The following PIK3R4 variants were observed in gnomAD, a reference collection of about 807,000 sequenced individuals.
PIK3R4 encodes the protein phosphoinositide-3-kinase regulatory subunit 4.
In PIK3R4, 46 loss-of-function variants were observed where a neutral mutation model predicts 136.5. That is an observed-to-expected ratio of 0.34 (90% CI 0.27 to 0.43). The LOEUF is 0.43. Among genes scored for constraint, PIK3R4 ranks in the 20% least tolerant of loss-of-function variants. The probability of loss-of-function intolerance (pLI) is 1.00; values close to 1 mark genes in which losing one functional copy is unlikely to be tolerated. For missense variants in PIK3R4, 1,331 were observed against 1,649.5 expected (o/e 0.81, Z 3.35); for synonymous variants, 557 against 566.7 (o/e 0.98, Z 0.24).
intron 2 of PIK3R4, among the ~76,000 whole-genome samples, chr3:130,737,252 C>T (rs991911114): frequency 1.3e-5 from 2 of 152,356 alleles, no homozygotes; most frequent in East Asian, 3.9e-4. Context: ...CCTCACCGGA[C>T]ACATTCCCTT....
At chr3:130,739,265 A>G (rs1364082569) in intron 2 of PIK3R4, among the ~76,000 whole-genome samples, 1 of 152,112 alleles carries the variant, frequency 6.6e-6, no homozygotes, top group Admixed American at 6.5e-5. Flanking sequence ...TTTAGTAGAG[A>G]CGGGGTTTCA....
Position 130,745,191 on chromosome 3 carries a change from G to C in PIK3R4, c.28C>G (p.Pro10Ala), listed in dbSNP as rs759923898. The part of the protein sequence containing the change: MGNQLAGIA[P>A]SQILSVESYF... ...CTCTCTACAGAAAGGATCTGGGAGG[G>C]AGCAATGCCAGCAAGCTGATTTCCC... The change falls in exon 2 of 20, where the codon CCC becomes GCC. Residue 10 changes from proline (P) to alanine (A), a missense_variant. Around this residue, in one of 2 missense-constraint regions of PIK3R4, gnomAD observed 151 missense variants for 242.5 expected, o/e 0.62. Transcript: ENST00000356763. 6.2e-7 allele frequency: 1 copy of C among 1,604,352 alleles called. No homozygotes were observed.
At chr3:130,726,628 C>T (rs2107616882) in intron 6 of PIK3R4, among the ~76,000 whole-genome samples, 1 of 152,184 alleles carries the variant, frequency 6.6e-6, no homozygotes, top group Non-Finnish European at 1.5e-5. Flanking sequence ...CTTTAACAGA[C>T]ATTGTACATG....
chr3:130,728,721 A>G lies in PIK3R4; in HGVS notation c.1586-37T>C, dbSNP rs760485978. The G allele has an allele frequency of 5.7e-6, 8 of 1,392,210 alleles. No individual in the cohort carries two copies. In the South Asian group the frequency reaches 9.6e-5, roughly 17 times the overall value. 86.2% of individuals were successfully genotyped at this position (1,392,210 alleles called of 1,614,324 possible). A position where few individuals can be genotyped will look rare whatever the true frequency, so the allele number is the denominator to read the frequency against. On this transcript the variant is annotated intron_variant, in intron 5 of 19. Coordinates refer to ENST00000356763, the MANE Select transcript of PIK3R4 (RefSeq NM_014602.3). ...AAAAAAAGAAAGAAAGAAAGAAAGA[A>G]AAGAAATAGTTAAGAAAAGATCAAT...
Position 130,735,981 on chromosome 3 carries a change from A to T in PIK3R4, c.755T>A (p.Phe252Tyr). 1 of 1,610,502 alleles carries T rather than the reference A, an allele frequency of 6.2e-7. No homozygotes were observed. ...ATCAAATAATGGTACACCTTCTGTA[A>T]AAAGCTCAGCTATCACACAACCTGA... Reference protein sequence around the residue: ...FSAGCVIAELFTEGVPLFDLS... With the variant: ...FSAGCVIAELYTEGVPLFDLS... The change falls in exon 3 of 20, where the codon TTT (phenylalanine) becomes TAT (tyrosine). Residue 252 changes from phenylalanine to tyrosine, a missense_variant. Coordinates refer to ENST00000356763, the MANE Select transcript of PIK3R4 (RefSeq NM_014602.3).
In PIK3R4 at chr3:130,729,512, ATC is replaced by A. The variant is rs544980235; in HGVS notation, c.1585+794_1585+795del. On this transcript the variant is annotated intron_variant, in intron 5 of 19. Transcript: ENST00000356763. ...AAAAATTTTACCATTTAACTTTATT[ATC>A]TCAACAGGTCCAATTACATGGTTAT... is the stretch of plus-strand genomic sequence containing the variant. Among the ~76,000 whole-genome samples, 27 of 152,300 alleles carry A rather than the reference ATC, an allele frequency of 1.8e-4. No individual in the cohort carries two copies. The South Asian group carries it at 2.9e-3, about 16-fold the overall frequency.
At chr3:130,716,310 A>C in intron 9 of PIK3R4, 86 bp downstream of exon 9, 1 of 1,095,440 alleles carries the variant, frequency 9.1e-7, no homozygotes, top group South Asian at 1.4e-5. Context: ...CTAATCAATC[A>C]AAAACATTTT....
At chr3:130,741,757 A>G (rs75156956) in intron 2 of PIK3R4, among the ~76,000 whole-genome samples, 4,862 of 152,290 alleles carry the variant, frequency 0.032, 231 homozygotes, top group East Asian at 0.1. Context: ...TGAAAGCTCC[A>G]TAATGGCAAA....
At chr3:130,721,924 G>GT (rs2066703308) in intron 7 of PIK3R4, among the ~76,000 whole-genome samples, 1 of 151,930 alleles carries the variant, frequency 6.6e-6, no homozygotes, top group South Asian at 2.1e-4. Context: ...AAAGAACTAT[G>GT]GATATGTCAA....
intron 15 of PIK3R4, among the ~76,000 whole-genome samples, chr3:130,684,622 A>C (rs2066479174): frequency 6.6e-6 from 1 of 152,258 alleles, no homozygotes; most frequent in Middle Eastern, 3.2e-3. Context: ...ATGTAAATTG[A>C]AAATGAATAA....
Position 130,739,655 on chromosome 3 carries a change from A to G in PIK3R4, c.734-3653T>C, listed in dbSNP as rs1215470164. Among the ~76,000 whole-genome samples the G allele has an allele frequency of 2.0e-5, 3 of 152,270 alleles. No homozygotes were observed. In the East Asian group the frequency reaches 5.8e-4, roughly 29 times the overall value. ...CCAAAGTGCTGGGATTACAAGTTTGAGCCACCACACCAAGCATATTTGCAC... is the reference window on the plus strand; with the variant it reads ...CCAAAGTGCTGGGATTACAAGTTTGGGCCACCACACCAAGCATATTTGCAC... On this transcript the variant is annotated intron_variant, in intron 2 of 19. Transcript: ENST00000356763.
At chr3:130,701,241 GT>G (rs1337660320) in intron 13 of PIK3R4, among the ~76,000 whole-genome samples, 1 of 152,154 alleles carries the variant, frequency 6.6e-6, no homozygotes, top group African/African-American at 2.4e-5. Context: ...GCTGGGTGCG[GT>G]GGCTCACACC....
intron 9 of PIK3R4, among the ~76,000 whole-genome samples, chr3:130,711,771 G>A (rs2066633783): frequency 6.6e-6 from 1 of 152,160 alleles, no homozygotes; most frequent in Non-Finnish European, 1.5e-5. Flanking sequence ...GTCCAACACT[G>A]CAAAGCAATT....
chr3:130,686,012 G>C (rs1417756603), intron 15 of PIK3R4, among the ~76,000 whole-genome samples, 199 bp downstream of exon 15: 2 of 150,208 alleles, frequency 1.3e-5, no homozygotes, highest in Non-Finnish European at 3.0e-5. Context: ...TATGCCTTAG[G>C]ATACTGATTC....
chr3:130,722,361 T>A (rs1215645400), intron 7 of PIK3R4, among the ~76,000 whole-genome samples: 1 of 152,112 alleles, frequency 6.6e-6, no homozygotes, highest in East Asian at 1.9e-4. Flanking sequence ...GAGCACTCCA[T>A]ATATTCATCC....
intron 2 of PIK3R4, among the ~76,000 whole-genome samples, chr3:130,743,369 C>T (rs1038308747): frequency 6.6e-6 from 1 of 152,116 alleles, no homozygotes; most frequent in African/African-American, 2.4e-5. Context: ...GCTACAATTG[C>T]ACCACTGGGC....
At chr3:130,736,218 A>G (rs865968131) in intron 2 of PIK3R4, among the ~76,000 whole-genome samples, 24 of 152,234 alleles carry the variant, frequency 1.6e-4, no homozygotes, top group African/African-American at 4.8e-4. Flanking sequence ...AAGAAGAGCC[A>G]TACAATTTTT....
At chr3:130,700,978 A>C (rs1468213931) in intron 13 of PIK3R4, among the ~76,000 whole-genome samples, 1 of 152,190 alleles carries the variant, frequency 6.6e-6, no homozygotes, top group Non-Finnish European at 1.5e-5. Context: ...AATTCTATAA[A>C]GTCAGCTAAA....
chr3:130,718,943 C>T (rs1203809867), intron 7 of PIK3R4, among the ~76,000 whole-genome samples: 1 of 152,052 alleles, frequency 6.6e-6, no homozygotes, highest in Non-Finnish European at 1.5e-5. Context: ...AGGACATATC[C>T]CCTCTACCAC....
Sources: gnomAD v4.1 joint callset for allele counts (sites outside exome capture counted in the v4.1 genomes callset) on GRCh38, gnomAD v4.1.1 for gene constraint, gnomAD v4.1.1 regional missense constraint, MANE v1.5 for transcripts, NCBI Gene and HGNC (gene_info 2026-07-23, HGNC 2026-07-21) for gene names.